CDH23: variants seen among roughly 807,000 people sequenced by gnomAD.
The protein encoded by CDH23 is cadherin-23.
A neutral mutation model predicts 317.1 loss-of-function variants in CDH23; 189 were observed. The ratio of observed to expected loss-of-function variants is 0.60; its 90% CI spans 0.53 to 0.67. CDH23 has a LOEUF of 0.67. Ranked by LOEUF, CDH23 falls within the 30% of genes least tolerant of loss-of-function variation. The pLI, the probability that CDH23 is intolerant of heterozygous loss-of-function variation, is 0.00. For synonymous variants in CDH23, 1,839 were observed against 1,876.8 expected, an observed-to-expected ratio of 0.98 and a Z score of 0.52; for missense variants, 4,401 against 4,592.4, an observed-to-expected ratio of 0.96 and a Z score of 1.20.
At chr10:71,700,351 C>T (rs1489823134) in intron 22 of CDH23, among the ~76,000 whole-genome samples, 1 of 152,186 alleles carries the variant, frequency 6.6e-6, no homozygotes, top group African/African-American at 2.4e-5. Context: ...TGCACCACTG[C>T]ACTCCAGCCT....
intron 19 of CDH23, 31 bp downstream of exon 19, chr10:71,687,750 C>T (rs775219290): frequency 6.2e-7 from 1 of 1,604,462 alleles, no homozygotes; most frequent in African/African-American, 1.3e-5. Flanking sequence ...GTGGGGGGCA[C>T]ATGGAGGTAG....
rs1301379339 is a variant in CDH23, at chr10:71,811,987, C to T, written c.9352C>T (p.Pro3118Ser). 1.9e-6 allele frequency: 3 copies of T among 1,613,566 alleles called. No individual in the cohort carries two copies. The South Asian group carries it at 3.3e-5, about 18-fold the overall frequency. ...TGGCTTCATCGACATCATGGACATG[C>T]CTAACACCAACAAGTACTCCTTTGA... ...NRGFIDIMDM[P>S]NTNKYSFDGA... is the part of the protein sequence containing the mutation. The change falls in exon 66 of 70, where the codon CCT (proline) becomes TCT (serine). Residue 3118 changes from proline (P) to serine (S), a missense_variant. By Grantham distance (74) the Pro-to-Ser change is moderately conservative. This residue lies in a region of CDH23 where 1,144 missense variants were observed against 1,138.2 expected (regional missense o/e 1.01). Coordinates refer to ENST00000224721, the MANE Select transcript of CDH23 (RefSeq NM_022124.6).
At chr10:71,421,825 A>AGCGTGT (rs1402495811) in intron 1 of CDH23, among the ~76,000 whole-genome samples, 12 of 149,684 alleles carry the variant, frequency 8.0e-5, no homozygotes, top group African/African-American at 3.0e-4. Context: ...ATTGTGAGGA[A>AGCGTGT]GCGTGTGTGT....
rs1421758601 is a variant in CDH23, at chr10:71,779,462, G to A, written c.5368+15G>A. 2 of 1,586,822 alleles carry A rather than the reference G, an allele frequency of 1.3e-6. No homozygotes were observed. The highest frequency in any genetic ancestry group is 1.1e-5 in the South Asian group (1 of 89,048). ...AGACCCTCTGGGTGAGTGGGGCTTG[G>A]GGCATGCCACCCACAGGGTCTCACC... On this transcript the variant is annotated intron_variant, in intron 41 of 69. Coordinates refer to ENST00000224721, the MANE Select transcript of CDH23 (RefSeq NM_022124.6).
At chr10:71,409,401 A>G in intron 1 of CDH23, among the ~76,000 whole-genome samples, 1 of 152,182 alleles carries the variant, frequency 6.6e-6, no homozygotes, top group East Asian at 1.9e-4. Context: ...GGGAACTGAG[A>G]GGAAACTGTA....
intron 11 of CDH23, among the ~76,000 whole-genome samples, chr10:71,639,919 C>T (rs1163201684): frequency 6.6e-6 from 1 of 152,154 alleles, no homozygotes; most frequent in Non-Finnish European, 1.5e-5. Context: ...CTGGTAAAGT[C>T]CTGGAAGGAA....
At chr10:71,606,860 T>G (rs1564683223) in intron 9 of CDH23, among the ~76,000 whole-genome samples, 1 of 152,056 alleles carries the variant, frequency 6.6e-6, no homozygotes, top group Non-Finnish European at 1.5e-5. Flanking sequence ...CTTGGGAAGC[T>G]TTGGGGAGGG....
At chr10:71,598,052 C>T (rs574562037) in intron 9 of CDH23, among the ~76,000 whole-genome samples, 1 of 152,310 alleles carries the variant, frequency 6.6e-6, no homozygotes, top group South Asian at 2.1e-4. Flanking sequence ...AGCTCCACGT[C>T]GACAGGGACC....
Position 71,793,301 on chromosome 10 carries a change from A to G in CDH23, c.6373A>G (p.Ile2125Val). 6.2e-7 allele frequency: 1 copy of G among 1,614,010 alleles called. No homozygotes were observed. Residue 2125 changes from isoleucine to valine, a missense_variant, in exon 48 of 70, where the codon ATC (isoleucine) becomes GTC (valine). Ile to Val is a conservative substitution (Grantham distance 29). Coordinates refer to ENST00000224721, the MANE Select transcript of CDH23 (RefSeq NM_022124.6). ...RFLIHLVTGV[I>V]RVGNATIDRE... ...CCTCATTCATCTGGTCACCGGGGTC[A>G]TCCGTGTTGGTAATGCCACCATCGA...
rs1435649102 is a variant in CDH23 at position 71,788,969 on chromosome 10, T to G, written c.5850T>G (p.Ser1950=). 1 of 1,599,038 alleles carries G rather than the reference T, an allele frequency of 6.3e-7. No homozygotes were observed. Among genetic ancestry groups the G allele is most frequent in the East Asian group, 2.2e-5 (1 of 44,818 alleles). ...ATGACTTGCTTCTGATCTTCCTTTCTGATGAGAATGACAACCACCCCCTCT... is the reference window on the plus strand; with the variant it reads ...ATGACTTGCTTCTGATCTTCCTTTCGGATGAGAATGACAACCACCCCCTCT... The part of the protein sequence containing the change: ...RDYDLLLIFL[S]DENDNHPLFT... The change falls in exon 45 of 70, where the codon TCT becomes TCG. Residue 1950 remains serine, a synonymous_variant. Coordinates refer to ENST00000224721, the MANE Select transcript of CDH23 (RefSeq NM_022124.6).
intron 14 of CDH23, among the ~76,000 whole-genome samples, chr10:71,671,464 C>T (rs549557133): frequency 2.0e-5 from 3 of 152,292 alleles, no homozygotes; most frequent in East Asian, 3.9e-4. Context: ...TACATAGGCC[C>T]TTGGCACTCC....
At chr10:71,609,491 C>T (rs1179675278) in intron 9 of CDH23, among the ~76,000 whole-genome samples, 1 of 152,194 alleles carries the variant, frequency 6.6e-6, no homozygotes, top group Non-Finnish European at 1.5e-5. Flanking sequence ...AAGTCTGACT[C>T]TGGGGACATC....
In CDH23 at chr10:71,751,140, G is replaced by T; in HGVS notation, c.4845+9219G>T. On this transcript the variant is annotated intron_variant, in intron 38 of 69. Transcript: ENST00000224721. The surrounding 1 kb of genome is among the most constrained non-coding windows in gnomAD (Gnocchi z 4.9). ...GGATGTCACAGTATCTGAGCCCAGA[G>T]CAGGAGGGAGGGAACCAGGGCCGAG... 1 of 1,265,532 alleles carries T rather than the reference G, an allele frequency of 7.9e-7. No homozygotes were observed. Among genetic ancestry groups the T allele is most frequent in the African/African-American group, 1.5e-5 (1 of 66,664 alleles). The allele number at this position is 1,265,532 out of a possible 1,614,324, so 78.4% of individuals were successfully genotyped here. A position where few individuals can be genotyped will look rare whatever the true frequency, so the allele number is the denominator to read the frequency against.
intron 6 of CDH23, among the ~76,000 whole-genome samples, chr10:71,530,838 G>A (rs1487610994): frequency 2.0e-5 from 3 of 152,252 alleles, no homozygotes; most frequent in African/African-American, 4.8e-5. Context: ...TTCATTCTTC[G>A]ACCACCTTGG....
At chr10:71,482,809 G>C (rs1354492879) in intron 3 of CDH23, among the ~76,000 whole-genome samples, 1 of 152,224 alleles carries the variant, frequency 6.6e-6, no homozygotes, top group East Asian at 1.9e-4. Flanking sequence ...TGCCCGAGTT[G>C]AGCGGATTAC....
rs538397904 is a variant in CDH23 at position 71,418,686 on chromosome 10, C to T, written c.-5-21141C>T. On this transcript the variant is annotated intron_variant, in intron 1 of 69. Transcript: ENST00000224721. ...ATACCGTAGCTTCTGTCTAACCTGA[C>T]GGTTCTCTGGTACCTTCAAGTGGAT... 1.1e-3 allele frequency among the ~76,000 whole-genome samples: 170 copies of T among 152,318 alleles called. 1 individual carries two copies. The highest frequency in any genetic ancestry group is 2.5e-3 in the South Asian group (12 of 4,820).
rs770659035 is a variant in CDH23, at chr10:71,793,445, G to A, written c.6517G>A (p.Glu2173Lys). The change falls in exon 48 of 70, where the codon GAG (glutamate) becomes AAG (lysine). Residue 2173 changes from glutamate (E) to lysine (K), a missense_variant. This residue lies in a region of CDH23 where 3,068 missense variants were observed against 3,203.3 expected (regional missense o/e 0.96). Coordinates refer to ENST00000224721, the MANE Select transcript of CDH23 (RefSeq NM_022124.6). ...CGATGACATCAATGACTCCCGCCCC[G>A]AGTTCCTCAACCCCATCCAGACAGT... ...LIDDINDSRP[E>K]FLNPIQTVSV... The A allele has an allele frequency of 1.5e-5, 25 of 1,613,836 alleles. No homozygotes were observed. Among genetic ancestry groups the A allele is most frequent in the Admixed American group, 1.5e-4 (9 of 60,002 alleles).
At chr10:71,626,545 C>T (rs1409057622) in intron 11 of CDH23, among the ~76,000 whole-genome samples, 2 of 152,202 alleles carry the variant, frequency 1.3e-5, no homozygotes, top group Non-Finnish European at 2.9e-5. Flanking sequence ...AGTCAATGCA[C>T]ATTCTTGCCA....
chr10:71,657,024 A>G (rs1863447302), intron 14 of CDH23, among the ~76,000 whole-genome samples: 1 of 152,176 alleles, frequency 6.6e-6, no homozygotes, highest in African/African-American at 2.4e-5. Context: ...GGACAGTGGA[A>G]GTCCAGATCC....
Sources: allele counts gnomAD v4.1 joint callset (sites outside exome capture counted in the v4.1 genomes callset), GRCh38; gene constraint gnomAD v4.1.1; regional missense constraint gnomAD v4.1.1; non-coding constraint Gnocchi (gnomAD v3.1); transcripts MANE v1.5; gene names NCBI Gene and HGNC (gene_info 2026-07-23, HGNC 2026-07-21).